The following NCOR1 variants were observed in gnomAD, a reference collection of about 807,000 sequenced individuals.
NCOR1 encodes the protein protein phosphatase 1, regulatory subunit 109.
Under a neutral mutation model 288.1 loss-of-function variants are expected in NCOR1, and 63 were observed. That is an observed-to-expected ratio of 0.22 (90% CI 0.18 to 0.27). NCOR1 has a LOEUF of 0.27. Ranked by LOEUF, NCOR1 falls within the 10% of genes least tolerant of loss-of-function variation. NCOR1 has a pLI of 1.00. For synonymous variants in NCOR1, 1,007 were observed against 1,065.9 expected (o/e 0.94, Z 1.08); for missense variants, 2,397 against 3,019.2 (o/e 0.79, Z 4.83).
At chr17:16,194,966 A>C (rs1204786952) in intron 1 of NCOR1, among the ~76,000 whole-genome samples, 1 of 152,234 alleles carries the variant, frequency 6.6e-6, no homozygotes, top group Non-Finnish European at 1.5e-5. Context: ...ACAAAAATAC[A>C]TGGTTTTAAA....
intron 3 of NCOR1, among the ~76,000 whole-genome samples, chr17:16,185,939 T>C (rs1053759791): frequency 1.9e-4 from 29 of 151,600 alleles, no homozygotes; most frequent in Admixed American, 5.9e-4. Flanking sequence ...AGATCCTGTC[T>C]CCAAAAAACA....
At chr17:16,193,154 A>C (rs2088917154) in intron 2 of NCOR1, among the ~76,000 whole-genome samples, 1 of 152,198 alleles carries the variant, frequency 6.6e-6, no homozygotes. Context: ...CTTTGTCAAA[A>C]TTTGTTACAA....
intron 3 of NCOR1, among the ~76,000 whole-genome samples, chr17:16,183,537 G>A (rs887664597): frequency 1.3e-5 from 2 of 152,016 alleles, no homozygotes; most frequent in African/African-American, 4.8e-5. Flanking sequence ...TTTAACCAAG[G>A]AGGTGAAAGA....
chr17:16,148,663 CAAAAAAAA>C (rs397857284), intron 9 of NCOR1, among the ~76,000 whole-genome samples: 1 of 48,352 alleles, frequency 2.1e-5, no homozygotes, highest in African/African-American at 1.0e-4. Flanking sequence ...ATGTTCTTGG[CAAAAAAAA>C]AAAAAAAAAA....
intron 35 of NCOR1, among the ~76,000 whole-genome samples, chr17:16,062,862 T>A (rs886741580): frequency 1.3e-5 from 2 of 152,210 alleles, no homozygotes; most frequent in East Asian, 3.8e-4. Flanking sequence ...ATTACACTTC[T>A]ACAATATTTG....
At chr17:16,068,667 G>A (rs1430393748) in intron 31 of NCOR1, among the ~76,000 whole-genome samples, 1 of 150,302 alleles carries the variant, frequency 6.7e-6, no homozygotes, top group East Asian at 2.0e-4. Context: ...TGGTCAGATT[G>A]TCCCACCAAT....
Position 16,215,518 on chromosome 17 carries a change from G to C in NCOR1, c.-227C>G, listed in dbSNP as rs1189435398. ...GCCGCGGCTGCTGCTTCGCCACCTT[G>C]GCCGCCATCTTGACTCAACCCCTCT... On this transcript the variant is annotated 5_prime_UTR_variant, in exon 1 of 46. Transcript: ENST00000268712. 2.5e-6 allele frequency: 1 copy of C among 398,790 alleles called. No individual in the cohort carries two copies. The highest frequency in any genetic ancestry group is 2.1e-5 in the African/African-American group (1 of 48,600). The allele number at this position is 398,790 out of a possible 1,614,324, so 24.7% of individuals were successfully genotyped here.
At chr17:16,080,342 A>G in intron 25 of NCOR1, 66 bp downstream of exon 25, 1 of 1,283,362 alleles carries the variant, frequency 7.8e-7, no homozygotes, top group Non-Finnish European at 1.1e-6. Context: ...AAATATATTA[A>G]TAACTTACTT....
At chr17:16,060,402 T>G (rs2060420895) in intron 37 of NCOR1, among the ~76,000 whole-genome samples, 1 of 152,236 alleles carries the variant, frequency 6.6e-6, no homozygotes, top group Non-Finnish European at 1.5e-5. Context: ...GATCTCCCAG[T>G]GTGCCGGTGA....
Position 16,064,117 on chromosome 17 carries a change from C to T in NCOR1, c.5172G>A (p.Arg1724=), listed in dbSNP as rs2152655753. The change falls in exon 35 of 46, where the codon CGG becomes CGA. Residue 1724 remains arginine, a synonymous_variant. Coordinates refer to ENST00000268712, the MANE Select transcript of NCOR1 (RefSeq NM_006311.4). ...AAGCTGCAGCAATCCGTTCCCGCTCCCGCTCCTTCTCCCGCTCCCGTTCCC... is the reference window on the plus strand; with the variant it reads ...AAGCTGCAGCAATCCGTTCCCGCTCTCGCTCCTTCTCCCGCTCCCGTTCCC... ...REREREREKE[R]ERERIAAASS... 1 of 1,614,102 alleles carries T rather than the reference C, an allele frequency of 6.2e-7. No homozygotes were observed. The highest frequency in any genetic ancestry group is 8.5e-7 in the Non-Finnish European group (1 of 1,180,010).
At chr17:16,172,134 C>T in intron 3 of NCOR1, 139 bp from the exon 4 acceptor site, 1 of 613,048 alleles carries the variant, frequency 1.6e-6, no homozygotes, top group Non-Finnish European at 2.7e-6. Flanking sequence ...CCCTTCTGTT[C>T]CCACCCCCAA....
At chr17:16,121,566 C>A (rs184289227) in intron 15 of NCOR1, among the ~76,000 whole-genome samples, 91 of 152,256 alleles carry the variant, frequency 6.0e-4, no homozygotes, top group Non-Finnish European at 1.2e-3. Context: ...CAAATGACAG[C>A]AGAAAAGCCC....
At chr17:16,039,108 TA>T (rs2057062163) in intron 44 of NCOR1, 1 of 225,704 alleles carries the variant, frequency 4.4e-6, no homozygotes. Context: ...TTTTTACAGT[TA>T]AATCACTTTT....
At chr17:16,158,271 G>T (rs1568383886) in intron 6 of NCOR1, among the ~76,000 whole-genome samples, 1 of 152,132 alleles carries the variant, frequency 6.6e-6, no homozygotes, top group African/African-American at 2.4e-5. Context: ...ACCATGCCCC[G>T]CCTTGAACTT....
chr17:16,140,918 G>T (rs1273216772), intron 11 of NCOR1, among the ~76,000 whole-genome samples: 1 of 151,186 alleles, frequency 6.6e-6, no homozygotes, highest in Non-Finnish European at 1.5e-5. Flanking sequence ...TTGAGCCCGG[G>T]AGGTGAAGGA....
intron 2 of NCOR1, among the ~76,000 whole-genome samples, chr17:16,190,904 C>T (rs954892158): frequency 2.0e-5 from 3 of 152,204 alleles, no homozygotes; most frequent in African/African-American, 7.2e-5. Flanking sequence ...TACTCTAGGC[C>T]CTCTGCCTAA....
At chr17:16,040,002 C>T in intron 43 of NCOR1, 1 of 390,442 alleles carries the variant, frequency 2.6e-6, no homozygotes, top group Non-Finnish European at 4.9e-6. Flanking sequence ...ATTGGTCAGG[C>T]TGATCTCGAA....
chr17:16,106,093 T>TC (rs2068577426), intron 19 of NCOR1, among the ~76,000 whole-genome samples: 1 of 151,956 alleles, frequency 6.6e-6, no homozygotes, highest in Non-Finnish European at 1.5e-5. Context: ...AGCGCGAGAC[T>TC]CCATCTCTAA....
intron 3 of NCOR1, among the ~76,000 whole-genome samples, chr17:16,179,067 C>A (rs567642012): frequency 6.6e-6 from 1 of 152,132 alleles, no homozygotes; most frequent in Non-Finnish European, 1.5e-5. Context: ...CATGTCACTG[C>A]ACCCCAGCCT....
Sources: gnomAD v4.1 joint callset for allele counts (sites outside exome capture counted in the v4.1 genomes callset) on GRCh38, gnomAD v4.1.1 for gene constraint, MANE v1.5 for transcripts, NCBI Gene and HGNC (gene_info 2026-07-23, HGNC 2026-07-21) for gene names.